The following PCDH15 variants were observed in gnomAD, a reference collection of about 807,000 sequenced individuals.
The protein encoded by PCDH15 is protocadherin-15.
PCDH15 carries 129 observed loss-of-function variants against 178.5 expected under a neutral mutation model. That is an observed-to-expected ratio of 0.72 (90% CI 0.63 to 0.84). The LOEUF (loss-of-function observed/expected upper bound fraction) is 0.84, where lower values mean the gene tolerates loss of function less well. Among genes scored for constraint, PCDH15 ranks in the 40% least tolerant of loss-of-function variants. PCDH15 has a pLI of 0.00. For synonymous variants in PCDH15, 800 were observed against 732.0 expected (o/e 1.09, Z -1.50); for missense variants, 2,230 against 2,099.9 (o/e 1.06, Z -1.21).
chr10:55,445,830 C>T (rs1407534622), intron 2 of PCDH15, among the ~76,000 whole-genome samples: 1 of 152,120 alleles, frequency 6.6e-6, no homozygotes, highest in African/African-American at 2.4e-5. Context: ...TCATTTCATA[C>T]AGTTGTATCC....
At chr10:55,063,138 T>C (rs1841479269) in intron 2 of PCDH15, among the ~76,000 whole-genome samples, 1 of 152,172 alleles carries the variant, frequency 6.6e-6, no homozygotes, top group Non-Finnish European at 1.5e-5. Context: ...CCAAAATCCA[T>C]ACTTTTAATC....
intron 25 of PCDH15, among the ~76,000 whole-genome samples, chr10:53,905,411 G>A (rs1460227723): frequency 6.6e-6 from 1 of 152,168 alleles, no homozygotes; most frequent in Admixed American, 6.5e-5. Flanking sequence ...TCGGCTCACT[G>A]TAAGCTCCAC....
intron 15 of PCDH15, among the ~76,000 whole-genome samples, chr10:54,095,805 T>C (rs1480655616): frequency 6.6e-6 from 1 of 152,138 alleles, no homozygotes; most frequent in Non-Finnish European, 1.5e-5. Flanking sequence ...GAAGGCTTAG[T>C]CTTAAAAAAA....
intron 32 of PCDH15, chr10:53,821,965 A>T (rs200228833): frequency 1.2e-6 from 2 of 1,613,872 alleles, no homozygotes; most frequent in African/African-American, 2.7e-5. Flanking sequence ...GTTACTTCTG[A>T]AGGGCACATA....
At chr10:55,228,098 T>A (rs1028528287) in intron 1 of PCDH15, among the ~76,000 whole-genome samples, 10 of 152,090 alleles carry the variant, frequency 6.6e-5, no homozygotes, top group Admixed American at 6.5e-4. Flanking sequence ...TATTTCAATT[T>A]TTCACAATCT....
chr10:55,449,472 A>T (rs1169667998), intron 2 of PCDH15, among the ~76,000 whole-genome samples: 1 of 152,124 alleles, frequency 6.6e-6, no homozygotes, highest in Non-Finnish European at 1.5e-5. Flanking sequence ...TGGAGTTATT[A>T]GAAAGATTGC....
rs552594894 is a variant in PCDH15, at chr10:55,517,160, T to TA, written c.-156+110464dup. On this transcript the variant is annotated intron_variant, in intron 2 of 5. Transcript: ENST00000613346. ...ACATGATTTTAGAGGTAAGAGAGGTTAAAAAAACTGGTAAGTCAAATTTAA... is the reference window on the plus strand; with the variant it reads ...ACATGATTTTAGAGGTAAGAGAGGTTAAAAAAAACTGGTAAGTCAAATTTAA... 1.4e-3 allele frequency among the ~76,000 whole-genome samples: 208 copies of TA among 152,138 alleles called. 1 individual carries two copies. The highest frequency in any genetic ancestry group is 2.4e-3 in the Non-Finnish European group (166 of 67,980).
At chr10:55,192,014 T>C (rs893013628) in intron 1 of PCDH15, among the ~76,000 whole-genome samples, 2 of 151,942 alleles carry the variant, frequency 1.3e-5, no homozygotes, top group Non-Finnish European at 2.9e-5. Context: ...AGCTATTCCA[T>C]TGTCAGTGTA....
At chr10:54,255,743 C>T (rs1199214290) in intron 8 of PCDH15, among the ~76,000 whole-genome samples, 2 of 151,984 alleles carry the variant, frequency 1.3e-5, no homozygotes, top group Non-Finnish European at 2.9e-5. Context: ...TTAATGATAG[C>T]CTGAAAGCCC....
chr10:54,314,909 T>A (rs1017219173), intron 8 of PCDH15, among the ~76,000 whole-genome samples: 10 of 152,208 alleles, frequency 6.6e-5, no homozygotes, highest in African/African-American at 2.4e-4. Context: ...GTGGTATATG[T>A]ACATCATTTT....
chr10:54,645,799 T>C (rs1590799286), intron 2 of PCDH15, among the ~76,000 whole-genome samples: 1 of 152,154 alleles, frequency 6.6e-6, no homozygotes, highest in South Asian at 2.1e-4. Context: ...ATTGAAAATA[T>C]TATTATAACA....
At chr10:55,419,944 C>T (rs1838579326) in intron 2 of PCDH15, among the ~76,000 whole-genome samples, 1 of 151,646 alleles carries the variant, frequency 6.6e-6, no homozygotes, top group African/African-American at 2.4e-5. Flanking sequence ...CTGGCCCCCT[C>T]CAGTTTTTGC....
chr10:54,513,922 G>C (rs1266780725), intron 3 of PCDH15, among the ~76,000 whole-genome samples: 1 of 152,136 alleles, frequency 6.6e-6, no homozygotes, highest in Non-Finnish European at 1.5e-5. Flanking sequence ...TGAGATAAAA[G>C]GTGCTGACAG....
At chr10:55,299,697 C>A (rs1047898781) in intron 1 of PCDH15, among the ~76,000 whole-genome samples, 1 of 152,110 alleles carries the variant, frequency 6.6e-6, no homozygotes, top group Non-Finnish European at 1.5e-5. Context: ...GACCTTGATC[C>A]AAATGCTAAT....
chr10:54,178,965 TGG>T (rs1193280494), intron 13 of PCDH15, among the ~76,000 whole-genome samples: 1 of 152,138 alleles, frequency 6.6e-6, no homozygotes, highest in Non-Finnish European at 1.5e-5. Context: ...TTTACACTGT[TGG>T]TGGGATTGTA....
chr10:55,509,008 A>C (rs1840821135), intron 2 of PCDH15, among the ~76,000 whole-genome samples: 1 of 151,820 alleles, frequency 6.6e-6, no homozygotes, highest in African/African-American at 2.4e-5. Context: ...AAAAGCTGAA[A>C]ATACATAAAA....
chr10:53,952,690 C>T (rs1040013780), intron 23 of PCDH15, among the ~76,000 whole-genome samples: 1 of 152,228 alleles, frequency 6.6e-6, no homozygotes, highest in African/African-American at 2.4e-5. Flanking sequence ...CTGCCTTCTG[C>T]TGCCATTCAT....
At chr10:54,110,251 A>G (rs560233448) in intron 15 of PCDH15, among the ~76,000 whole-genome samples, 27 of 151,940 alleles carry the variant, frequency 1.8e-4, no homozygotes, top group Non-Finnish European at 3.2e-4. Context: ...TTTACTTAGT[A>G]CATAAATACA....
intron 2 of PCDH15, among the ~76,000 whole-genome samples, chr10:55,396,285 C>T (rs1322724435): frequency 1.3e-5 from 2 of 152,120 alleles, no homozygotes; most frequent in African/African-American, 4.8e-5. Context: ...AAAGATTGCA[C>T]CATATGTCAT....
Sources: allele counts gnomAD v4.1 joint callset (sites outside exome capture counted in the v4.1 genomes callset), GRCh38; gene constraint gnomAD v4.1.1; transcripts MANE v1.5; gene names NCBI Gene and HGNC (gene_info 2026-07-23, HGNC 2026-07-21).